The following MCU variants were observed in gnomAD, a reference collection of about 807,000 sequenced individuals.
The protein encoded by MCU is mitochondrial calcium uniporter, also known as calcium uniporter protein, mitochondrial.
A neutral mutation model predicts 45.2 loss-of-function variants in MCU; 12 were observed. The ratio of observed to expected loss-of-function variants is 0.27; its 90% CI spans 0.17 to 0.43. MCU has a LOEUF of 0.43. Among genes scored for constraint, MCU ranks in the 20% least tolerant of loss-of-function variants. The pLI is 1.00. For missense variants in MCU, 324 were observed against 436.7 expected, an observed-to-expected ratio of 0.74 and a Z score of 2.30; for synonymous variants, 160 against 165.1, an observed-to-expected ratio of 0.97 and a Z score of 0.24.
chr10:72,872,791 T>TAA (rs1415616369), intron 6 of MCU, among the ~76,000 whole-genome samples: 1 of 152,154 alleles, frequency 6.6e-6, no homozygotes, highest in Non-Finnish European at 1.5e-5. Context: ...ACTAGTGGGA[T>TAA]TGCCAGATTG....
chr10:72,837,786 G>A (rs1301247745), intron 2 of MCU, among the ~76,000 whole-genome samples: 3 of 151,742 alleles, frequency 2.0e-5, no homozygotes, highest in East Asian at 3.9e-4. Flanking sequence ...TAATTCTGCT[G>A]TAGACAGTTT....
intron 6 of MCU, among the ~76,000 whole-genome samples, chr10:72,879,994 A>G (rs561231015): frequency 6.6e-6 from 1 of 152,154 alleles, no homozygotes; most frequent in African/African-American, 2.4e-5. Context: ...GTTGCAATGA[A>G]CCGAGATCAC....
At chr10:72,698,794 C>T (rs537564645) in intron 1 of MCU, among the ~76,000 whole-genome samples, 1 of 152,146 alleles carries the variant, frequency 6.6e-6, no homozygotes, top group East Asian at 1.9e-4. Flanking sequence ...CGTGAGCCAC[C>T]ATGCTCAGCC....
At chr10:72,779,294 G>C (rs1843951835) in intron 1 of MCU, among the ~76,000 whole-genome samples, 1 of 152,168 alleles carries the variant, frequency 6.6e-6, no homozygotes, top group Non-Finnish European at 1.5e-5. Flanking sequence ...ACAGCACTTT[G>C]GGAAGGGCCT....
intron 1 of MCU, among the ~76,000 whole-genome samples, chr10:72,793,387 A>T (rs1844196779): frequency 6.6e-6 from 1 of 152,184 alleles, no homozygotes; most frequent in African/African-American, 2.4e-5. Flanking sequence ...ATAGAAGCCC[A>T]GTAGTTTCGG....
At chr10:72,875,389 G>A (rs1159820205) in intron 6 of MCU, among the ~76,000 whole-genome samples, 4 of 152,120 alleles carry the variant, frequency 2.6e-5, no homozygotes, top group Non-Finnish European at 5.9e-5. Flanking sequence ...AATCTTTAAT[G>A]CCCTACCTGT....
chr10:72,869,132 G>A (rs1845501772), intron 5 of MCU, among the ~76,000 whole-genome samples: 1 of 152,182 alleles, frequency 6.6e-6, no homozygotes, highest in South Asian at 2.1e-4. Flanking sequence ...ATTAAGATCA[G>A]AATAACTGCT....
chr10:72,853,082 C>A (rs1845231831), intron 2 of MCU, among the ~76,000 whole-genome samples: 1 of 152,124 alleles, frequency 6.6e-6, no homozygotes, highest in African/African-American at 2.4e-5. Flanking sequence ...CAAGATCCAG[C>A]ACTCAACAAT....
intron 7 of MCU, 79 bp from the exon 8 acceptor site, chr10:72,885,666 C>T: frequency 1.1e-6 from 1 of 879,310 alleles, no homozygotes; most frequent in East Asian, 2.4e-5. Context: ...TAATGGAGAA[C>T]AGTTTCCTTT....
chr10:72,758,574 T>C (rs1364821777), intron 1 of MCU, among the ~76,000 whole-genome samples: 1 of 152,098 alleles, frequency 6.6e-6, no homozygotes. Context: ...TCTGAAAGTA[T>C]GAATATGCAA....
At chr10:72,826,889 C>T (rs540910293) in intron 1 of MCU, among the ~76,000 whole-genome samples, 86 of 152,272 alleles carry the variant, frequency 5.6e-4, no homozygotes, top group African/African-American at 2.0e-3. Context: ...AATCATCCCA[C>T]GTACAGTACA....
chr10:72,780,117 G>A (rs574174242), intron 1 of MCU, among the ~76,000 whole-genome samples: 2 of 152,244 alleles, frequency 1.3e-5, no homozygotes, highest in South Asian at 2.1e-4. Flanking sequence ...ATGAAATACC[G>A]ACACATACTA....
rs991869787 is a variant in MCU at position 72,707,605 on chromosome 10, T to C, written c.150+15304T>C. Among the ~76,000 whole-genome samples, 27 of 113,778 alleles carry C rather than the reference T, an allele frequency of 2.4e-4. No individual in the cohort carries two copies. The Admixed American group carries it at 2.5e-3, about 10-fold the overall frequency. The allele number at this position is 113,778 out of a possible 152,430, so 74.6% of individuals were successfully genotyped here. A position where few individuals can be genotyped will look rare whatever the true frequency, so the allele number is the denominator to read the frequency against. On this transcript the variant is annotated intron_variant, in intron 1 of 7. Transcript: ENST00000373053. ...TAAATGAAGAGGTGGTCGTGGTGAG[T>C]GGTGTGTGTGTGTGTGTGTGTGTGT... is the stretch of plus-strand genomic sequence containing the variant.
intron 1 of MCU, among the ~76,000 whole-genome samples, chr10:72,711,645 G>A (rs181512804): frequency 6.6e-6 from 1 of 151,644 alleles, no homozygotes; most frequent in Non-Finnish European, 1.5e-5. Flanking sequence ...AGTAGTTTGA[G>A]GTTACACTGA....
chr10:72,718,364 G>A (rs1335916381), intron 1 of MCU, among the ~76,000 whole-genome samples: 2 of 152,138 alleles, frequency 1.3e-5, no homozygotes, highest in African/African-American at 4.8e-5. Flanking sequence ...GATGGATTTG[G>A]TTACTTCTGT....
At chr10:72,853,320 A>C (rs1030280319) in intron 2 of MCU, among the ~76,000 whole-genome samples, 5 of 152,326 alleles carry the variant, frequency 3.3e-5, no homozygotes, top group Middle Eastern at 3.4e-3. Context: ...ATAAAAAGAA[A>C]TGCAACTTCT....
At chr10:72,799,775 C>CT (rs560897790) in intron 1 of MCU, among the ~76,000 whole-genome samples, 1 of 151,840 alleles carries the variant, frequency 6.6e-6, no homozygotes, top group Non-Finnish European at 1.5e-5. Context: ...TAAGATTAAA[C>CT]TTTTTTTTAT....
At chr10:72,699,812 G>A (rs546477791) in intron 1 of MCU, among the ~76,000 whole-genome samples, 7 of 151,968 alleles carry the variant, frequency 4.6e-5, no homozygotes, top group South Asian at 4.2e-4. Context: ...GGCTGGTCTC[G>A]AACTACTGAC....
intron 1 of MCU, among the ~76,000 whole-genome samples, chr10:72,805,078 TTTC>T (rs1844410784): frequency 7.0e-6 from 1 of 142,820 alleles, no homozygotes; most frequent in South Asian, 2.2e-4. Flanking sequence ...CCCTAGTTTG[TTTC>T]TTTCTTTCTT....
Sources: allele counts gnomAD v4.1 joint callset (sites outside exome capture counted in the v4.1 genomes callset), GRCh38; gene constraint gnomAD v4.1.1; transcripts MANE v1.5; gene names NCBI Gene and HGNC (gene_info 2026-07-23, HGNC 2026-07-21).